UCP3: variants seen among roughly 807,000 people sequenced by gnomAD.
UCP3 encodes uncoupling protein 3, also known as putative mitochondrial transporter UCP3.
A neutral mutation model predicts 28.1 loss-of-function variants in UCP3; 24 were observed. The ratio of observed to expected loss-of-function variants is 0.85; its 90% CI spans 0.62 to 1.20. UCP3 has a LOEUF of 1.20. UCP3 is among the 50% of genes most tolerant of loss of function. UCP3 has a pLI of 0.00. For synonymous variants in UCP3, 184 were observed against 171.2 expected, an observed-to-expected ratio of 1.07 and a Z score of -0.59; for missense variants, 397 against 422.2, an observed-to-expected ratio of 0.94 and a Z score of 0.52.
At chr11:74,005,706 C>T in intron 4 of UCP3, 24 bp downstream of exon 4, 1 of 1,613,532 alleles carries the variant, frequency 6.2e-7, no homozygotes, top group Non-Finnish European at 8.5e-7. Flanking sequence ...CCTAAGACCG[C>T]CTGCGTCCAG....
intron 5 of UCP3, 85 bp from the exon 6 acceptor site, chr11:74,004,092 G>T (rs1267493193): frequency 1.3e-6 from 2 of 1,563,298 alleles, no homozygotes; most frequent in Non-Finnish European, 1.7e-6. Flanking sequence ...ACTCAACCGT[G>T]AACTCCCTGA....
rs748751232 is a variant in UCP3, at chr11:74,005,899, G to A, written c.372C>T (p.Cys124=). ...SSLTTRILAG[C]TTGAMAVTCA... is the part of the protein sequence containing the mutation. ...AGGTCACCGCCATGGCTCCTGTGGT[G>A]CAGCCGGCCAAAATCCGGGTAGTGA... is the stretch of plus-strand genomic sequence containing the variant. Residue 124 remains cysteine, a synonymous_variant, in exon 4 of 7, where the codon TGC becomes TGT. Transcript: ENST00000314032. 3 of 1,614,178 alleles carry A rather than the reference G, an allele frequency of 1.9e-6. No homozygotes were observed. The highest frequency in any genetic ancestry group is 3.3e-5 in the Admixed American group (2 of 60,028).
At position 74,006,917 on chromosome 11, in the gene UCP3, C is replaced by T. The variant is rs1472881543; in HGVS notation, c.126G>A (p.Gln42=). 6.2e-7 allele frequency: 1 copy of T among 1,614,204 alleles called. No individual in the cohort carries two copies. Among genetic ancestry groups the T allele is most frequent in the East Asian group, 2.2e-5 (1 of 44,884 alleles). The change falls in exon 2 of 7, where the codon CAG becomes CAA. Residue 42 remains glutamine (Q), a splice_region_variant and synonymous_variant. Transcript: ENST00000314032. ...TGACCCTTGGCCAAAGGGCACCTAC[C>T]TGCAGGCGGACCTTGGCTGTGTCCA... ...FPLDTAKVRL[Q]IQGENQAVQT... is the part of the protein sequence containing the mutation.
At chr11:74,004,654 G>GATGCCC in intron 4 of UCP3, 69 bp from the exon 5 acceptor site, 2 of 1,477,902 alleles carry the variant, frequency 1.4e-6, no homozygotes, top group Non-Finnish European at 1.9e-6. Context: ...GGGAGAAATG[G>GATGCCC]ATGCCCTGGC....
In UCP3 at chr11:74,001,459, T is replaced by G. The variant is rs748878337; in HGVS notation, c.892A>C (p.Lys298Gln). Reference protein sequence around the residue: ...VVMFVTYEQLKRALMKVQMLR... With the variant: ...VVMFVTYEQLQRALMKVQMLR... ...ATCTGGACTTTCATCAGGGCCCGTT[T>G]CAGCTGCTCATAGGTTACGAACATC... The change falls in exon 7 of 7, where the codon AAA becomes CAA. Residue 298 changes from lysine to glutamine, a missense_variant. Coordinates refer to ENST00000314032, the MANE Select transcript of UCP3 (RefSeq NM_003356.4). 18 of 1,614,194 alleles carry G rather than the reference T, an allele frequency of 1.1e-5. 1 individual carries two copies. In the South Asian group the frequency reaches 2.0e-4, roughly 18 times the overall value.
chr11:74,008,191 C>T (rs1363521320), intron 1 of UCP3, among the ~76,000 whole-genome samples: 8 of 152,102 alleles, frequency 5.3e-5, no homozygotes, highest in Non-Finnish European at 8.8e-5. Flanking sequence ...AGATTGGTGC[C>T]CACGTTTGTC....
chr11:74,007,309 C>T, intron 1 of UCP3, 172 bp from the exon 2 acceptor site: 1 of 475,190 alleles, frequency 2.1e-6, no homozygotes, highest in Non-Finnish European at 3.9e-6. Flanking sequence ...TTGAATTTTG[C>T]AATCCTCCTC....
intron 1 of UCP3, among the ~76,000 whole-genome samples, chr11:74,008,261 A>G (rs1237228445): frequency 2.0e-5 from 3 of 152,126 alleles, no homozygotes; most frequent in African/African-American, 7.2e-5. Context: ...AGGGAGAGCC[A>G]AGGATCCCTT....
chr11:74,004,121 C>T (rs1380916082), intron 5 of UCP3, 114 bp from the exon 6 acceptor site: 10 of 1,511,996 alleles, frequency 6.6e-6, no homozygotes, highest in Non-Finnish European at 8.9e-6. Context: ...CAGTATTTTC[C>T]ATATCTCTCA....
At chr11:74,002,647 C>A (rs1358611224) in intron 6 of UCP3, 1 of 633,866 alleles carries the variant, frequency 1.6e-6, no homozygotes, top group African/African-American at 2.0e-5. Flanking sequence ...GAGGCATAAC[C>A]CAGGGCCTGG....
intron 6 of UCP3, chr11:74,002,929 T>C (rs1951631737): frequency 1.0e-6 from 1 of 985,328 alleles, no homozygotes; most frequent in South Asian, 4.7e-5. Flanking sequence ...ACCAGTAGGA[T>C]AAACAACATT....
At chr11:74,003,388 C>T (rs1951634907) in intron 6 of UCP3, 1 of 908,446 alleles carries the variant, frequency 1.1e-6, no homozygotes, top group Non-Finnish European at 1.3e-6. Flanking sequence ...GAGGAGGTGG[C>T]ATTTGAACTC....
rs756329951 is a variant in UCP3, at chr11:74,004,554, G to A, written c.573C>T (p.Ile191=). 8 of 1,613,836 alleles carry A rather than the reference G, an allele frequency of 5.0e-6. No homozygotes were observed. Among genetic ancestry groups the A allele is most frequent in the South Asian group, 4.4e-5 (4 of 91,066 alleles). The change falls in exon 5 of 7, where the codon ATC becomes ATT. Residue 191 remains isoleucine, a synonymous_variant. Coordinates refer to ENST00000314032, the MANE Select transcript of UCP3 (RefSeq NM_003356.4). ...AGGTCACCACCTCAGCACAGTTGACGATAGCATTCCTCATGATGTTGGGCA... is the reference window on the plus strand; with the variant it reads ...AGGTCACCACCTCAGCACAGTTGACAATAGCATTCCTCATGATGTTGGGCA... ...GTLPNIMRNA[I]VNCAEVVTYD...
At chr11:74,001,775 C>A (rs569128619) in intron 6 of UCP3, 2 of 471,052 alleles carry the variant, frequency 4.2e-6, no homozygotes, top group South Asian at 4.3e-5. Context: ...GCAGCGAATT[C>A]TCACAGTTCT....
chr11:74,001,831 C>A, intron 6 of UCP3: 1 of 369,342 alleles, frequency 2.7e-6, no homozygotes, highest in South Asian at 2.5e-5. Flanking sequence ...CAAACTGAGG[C>A]CCAGGGAGGT....
At chr11:74,003,250 G>A (rs1472763001) in intron 6 of UCP3, among the ~76,000 whole-genome samples, 1 of 152,228 alleles carries the variant, frequency 6.6e-6, no homozygotes, top group Non-Finnish European at 1.5e-5. Flanking sequence ...CTCTTTGCAT[G>A]AGGAATAATT....
At chr11:74,001,798 T>C in intron 6 of UCP3, 3 of 416,772 alleles carry the variant, frequency 7.2e-6, no homozygotes, top group East Asian at 1.0e-4. Context: ...AAGGCAGCCA[T>C]GTTGCTGCCA....
Position 74,006,848 on chromosome 11 carries a change from T to TG in UCP3, c.126+68dup, listed in dbSNP as rs1295247084. ...AGGAAGGGCATGTGGGCACACGTCA[T>TG]GGGGGATATGGGAGAGAACTAGCCC... On this transcript the variant is annotated intron_variant, in intron 2 of 6. Coordinates refer to ENST00000314032, the MANE Select transcript of UCP3 (RefSeq NM_003356.4). The TG allele has an allele frequency of 2.5e-6, 4 of 1,611,646 alleles. No individual in the cohort carries two copies. In the African/African-American group the frequency reaches 5.3e-5, roughly 22 times the overall value.
intron 6 of UCP3, 153 bp downstream of exon 6, chr11:74,003,674 T>G: frequency 6.9e-7 from 1 of 1,458,588 alleles, no homozygotes; most frequent in Non-Finnish European, 9.0e-7. Flanking sequence ...ACTTTTTTTC[T>G]TTTACTTGCA....
Sources: gnomAD v4.1 joint callset for allele counts (sites outside exome capture counted in the v4.1 genomes callset) on GRCh38, gnomAD v4.1.1 for gene constraint, MANE v1.5 for transcripts, NCBI Gene and HGNC (gene_info 2026-07-23, HGNC 2026-07-21) for gene names.